The following TENM2 variants were observed in gnomAD, a reference collection of about 807,000 sequenced individuals.
TENM2 encodes teneurin transmembrane protein 2.
In TENM2, 52 loss-of-function variants were observed where a neutral mutation model predicts 245.2. That is an observed-to-expected ratio of 0.21 (90% CI 0.17 to 0.27). The LOEUF (loss-of-function observed/expected upper bound fraction) is 0.27. TENM2 is among the 10% of genes least tolerant of loss of function. The pLI is 1.00. For synonymous variants in TENM2, 1,363 were observed against 1,438.9 expected (o/e 0.95, Z 1.19); for missense variants, 3,046 against 3,666.8 (o/e 0.83, Z 4.37).
chr5:167,759,556 G>A (rs1159300555), intron 2 of TENM2, among the ~76,000 whole-genome samples: 2 of 152,172 alleles, frequency 1.3e-5, no homozygotes, highest in African/African-American at 4.8e-5. Flanking sequence ...GGAGGTGCAG[G>A]TAAGTGGGGG....
At chr5:167,787,730 G>A (rs1764681771) in intron 2 of TENM2, among the ~76,000 whole-genome samples, 1 of 152,200 alleles carries the variant, frequency 6.6e-6, no homozygotes, top group Non-Finnish European at 1.5e-5. Flanking sequence ...GGCCATGGTG[G>A]AATCAGGTGT....
intron 2 of TENM2, among the ~76,000 whole-genome samples, chr5:167,579,732 C>G (rs751769819): frequency 6.6e-6 from 1 of 152,156 alleles, no homozygotes; most frequent in African/African-American, 2.4e-5. Context: ...TATTCCGAGC[C>G]TGATGGTCAA....
At chr5:168,199,652 C>A (rs1365487111) in intron 16 of TENM2, among the ~76,000 whole-genome samples, 3 of 152,022 alleles carry the variant, frequency 2.0e-5, no homozygotes, top group Non-Finnish European at 4.4e-5. Flanking sequence ...AATTATTAAT[C>A]CAAAAATCAT....
chr5:167,958,900 G>A (rs865966852), intron 4 of TENM2, among the ~76,000 whole-genome samples: 8 of 152,054 alleles, frequency 5.3e-5, no homozygotes, highest in Admixed American at 6.6e-5. Context: ...TTTCTCTCTG[G>A]CTGCCCTTAA....
At chr5:167,143,792 G>T in the TENM2 span, among the ~76,000 whole-genome samples, 1 of 152,128 alleles carries the variant, frequency 6.6e-6, no homozygotes, top group African/African-American at 2.4e-5. Flanking sequence ...TGACCACTGC[G>T]CTTTTAAAAG....
the TENM2 span, among the ~76,000 whole-genome samples, chr5:167,049,612 CAAA>C: frequency 5.9e-5 from 9 of 151,820 alleles, no homozygotes; most frequent in East Asian, 1.4e-3. Context: ...TTTTTTGAAA[CAAA>C]AATGTTTTTA....
At chr5:167,716,789 G>GA (rs1159832977) in intron 2 of TENM2, among the ~76,000 whole-genome samples, 15 of 151,064 alleles carry the variant, frequency 9.9e-5, no homozygotes, top group South Asian at 2.1e-4. Flanking sequence ...AATCCGAAGG[G>GA]AAAAAAAATC....
chr5:167,063,935 G>A, the TENM2 span, among the ~76,000 whole-genome samples: 22 of 152,200 alleles, frequency 1.4e-4, no homozygotes, highest in Non-Finnish European at 2.8e-4. Flanking sequence ...CCAGCCGGGC[G>A]AGTTGCATTA....
intron 2 of TENM2, among the ~76,000 whole-genome samples, chr5:167,603,441 G>A (rs952549353): frequency 3.9e-5 from 6 of 152,154 alleles, no homozygotes; most frequent in African/African-American, 7.2e-5. Context: ...CCAGCATTTC[G>A]AAAGGCCGAG....
At chr5:168,183,443 T>G (rs1204014941) in intron 13 of TENM2, among the ~76,000 whole-genome samples, 1 of 152,108 alleles carries the variant, frequency 6.6e-6, no homozygotes, top group African/African-American at 2.4e-5. Context: ...TGCAGGAGTT[T>G]ACCTCAAAAC....
intron 12 of TENM2, among the ~76,000 whole-genome samples, chr5:168,148,572 G>C (rs368610403): frequency 1.3e-5 from 2 of 152,162 alleles, no homozygotes; most frequent in South Asian, 2.1e-4. Flanking sequence ...GATAATTCAG[G>C]GTTCCCTGGG....
At chr5:168,215,155 G>A (rs1038423862) in exon 21 of TENM2, 15 of 1,613,918 alleles carry the variant, frequency 9.3e-6, no homozygotes, top group Non-Finnish European at 1.3e-5. Flanking sequence ...TGGAACCAAA[G>A]ACCTGGCTGG....
At chr5:167,775,587 G>T (rs143362854) in intron 2 of TENM2, among the ~76,000 whole-genome samples, 354 of 152,182 alleles carry the variant, frequency 2.3e-3, no homozygotes, top group Middle Eastern at 6.8e-3. Flanking sequence ...TGTAATTCTA[G>T]TAAATAAGTA....
At chr5:168,243,974 C>G (rs111494730) in intron 25 of TENM2, among the ~76,000 whole-genome samples, 1 of 140,716 alleles carries the variant, frequency 7.1e-6, no homozygotes, top group Admixed American at 7.4e-5. Context: ...GAGTCTCACT[C>G]TGTCACCCAG....
At chr5:167,609,585 A>AGACT (rs1351308343) in intron 2 of TENM2, among the ~76,000 whole-genome samples, 1 of 150,860 alleles carries the variant, frequency 6.6e-6, no homozygotes, top group African/African-American at 2.4e-5. Flanking sequence ...AACTTCCAAC[A>AGACT]GACTGCCCTT....
chr5:167,639,677 C>T (rs1404579145), intron 2 of TENM2, among the ~76,000 whole-genome samples: 2 of 152,148 alleles, frequency 1.3e-5, no homozygotes, highest in East Asian at 3.9e-4. Flanking sequence ...TGACTTTTAG[C>T]TGCAATAGAG....
At chr5:167,640,860 C>CAT (rs58985992) in intron 2 of TENM2, among the ~76,000 whole-genome samples, 772 of 46,962 alleles carry the variant, frequency 0.016, 35 homozygotes, top group Non-Finnish European at 0.031. Flanking sequence ...TATATATATC[C>CAT]ATATATATAT....
chr5:167,184,995 G>A, the TENM2 span, among the ~76,000 whole-genome samples: 2 of 152,212 alleles, frequency 1.3e-5, no homozygotes, highest in Non-Finnish European at 2.9e-5. Flanking sequence ...ATTTAATGCC[G>A]CTGCTGATCT....
At chr5:167,616,481 G>A (rs1777794702) in intron 2 of TENM2, among the ~76,000 whole-genome samples, 3 of 152,110 alleles carry the variant, frequency 2.0e-5, no homozygotes, top group African/African-American at 7.2e-5. Flanking sequence ...ATTCTGCTGT[G>A]TTCCTGAAAA....
Sources: allele counts gnomAD v4.1 joint callset (sites outside exome capture counted in the v4.1 genomes callset), GRCh38; gene constraint gnomAD v4.1.1; transcripts MANE v1.5; gene names NCBI Gene and HGNC (gene_info 2026-07-23, HGNC 2026-07-21).